The following BDH1 variants were observed in gnomAD, a reference collection of about 807,000 sequenced individuals.
The protein encoded by BDH1 is D-beta-hydroxybutyrate dehydrogenase, mitochondrial.
A neutral mutation model predicts 33.1 loss-of-function variants in BDH1; 30 were observed. The ratio of observed to expected loss-of-function variants is 0.91; its 90% CI spans 0.68 to 1.23. The LOEUF (loss-of-function observed/expected upper bound fraction) is 1.23, where lower values mean the gene tolerates loss of function less well. BDH1 is among the 50% of genes most tolerant of loss of function. The pLI is 0.00. For missense variants in BDH1, 443 were observed against 464.4 expected, an observed-to-expected ratio of 0.95 and a Z score of 0.42; for synonymous variants, 190 against 183.6, an observed-to-expected ratio of 1.03 and a Z score of -0.28.
chr3:197,510,187 A>AG lies in BDH1; in HGVS notation c.*1707dup. The AG allele has an allele frequency of 6.6e-6, 1 of 152,416 alleles. No individual in the cohort carries two copies. Among genetic ancestry groups the AG allele is most frequent in the Middle Eastern group, 3.4e-3 (1 of 294 alleles). 9.4% of individuals were successfully genotyped at this position (152,416 alleles called of 1,614,324 possible). A position where few individuals can be genotyped will look rare whatever the true frequency, so the allele number is the denominator to read the frequency against. ...AGGAGAGCGAGAACACTGTTTCTGA[A>AG]GGGTGCTGCTTGCTTCTTTGTTCCC... On this transcript the variant is annotated 3_prime_UTR_variant, in exon 8 of 8. Coordinates refer to ENST00000392379, the MANE Select transcript of BDH1 (RefSeq NM_203314.3).
intron 1 of BDH1, among the ~76,000 whole-genome samples, chr3:197,564,139 GT>G (rs531344460): frequency 2.0e-5 from 3 of 147,110 alleles, no homozygotes; most frequent in African/African-American, 7.5e-5. Flanking sequence ...AAATAAAGAG[GT>G]TTTTTTTGGT....
chr3:197,519,882 A>T (rs1713338933), intron 6 of BDH1, among the ~76,000 whole-genome samples: 1 of 152,012 alleles, frequency 6.6e-6, no homozygotes, highest in Non-Finnish European at 1.5e-5. Context: ...TCACCAGACA[A>T]TCTCCTTCAT....
chr3:197,534,415 T>C (rs894101799), intron 3 of BDH1, among the ~76,000 whole-genome samples: 1 of 152,244 alleles, frequency 6.6e-6, no homozygotes, highest in Non-Finnish European at 1.5e-5. Context: ...AATTTGCTCC[T>C]TGTTATTGCT....
chr3:197,557,423 A>T (rs1204188708), upstream of BDH1, among the ~76,000 whole-genome samples: 6 of 152,260 alleles, frequency 3.9e-5, no homozygotes, highest in African/African-American at 1.4e-4. This position sits in a 1 kb window ranked among gnomAD's most constrained non-coding sequence, Gnocchi z 4.6. Context: ...AAACAGGAGG[A>T]GGGAAGTACT....
At chr3:197,547,803 C>T (rs995820825) in intron 2 of BDH1, among the ~76,000 whole-genome samples, 1 of 152,256 alleles carries the variant, frequency 6.6e-6, no homozygotes, top group Non-Finnish European at 1.5e-5. Context: ...ACTCCAAGAA[C>T]TCCTTGCCCA....
chr3:197,515,522 G>A lies in BDH1; in HGVS notation c.410-1106C>T, dbSNP rs73076587. 3.8e-3 allele frequency: 3,775 copies of A among 985,646 alleles called. 108 individuals carry two copies. In the African/African-American group the frequency reaches 0.059, roughly 15 times the overall value. 61.1% of individuals were successfully genotyped at this position (985,646 alleles called of 1,614,324 possible). A position where few individuals can be genotyped will look rare whatever the true frequency, so the allele number is the denominator to read the frequency against. On this transcript the variant is annotated intron_variant, in intron 6 of 7. Coordinates refer to ENST00000392379, the MANE Select transcript of BDH1 (RefSeq NM_203314.3). ...TGGCTGACACTTCCACGTCATCTTC[G>A]AGACCATAGCCACTGATCCTTCTCT...
intron 6 of BDH1, among the ~76,000 whole-genome samples, chr3:197,517,711 C>T (rs13087821): frequency 3.6e-4 from 4 of 11,088 alleles, no homozygotes; most frequent in African/African-American, 2.4e-3. Flanking sequence ...TCCATCCCCC[C>T]TCAGGCCAAC....
At chr3:197,546,242 G>T (rs975458827) in intron 3 of BDH1, 119 bp downstream of exon 3, 24 of 963,538 alleles carry the variant, frequency 2.5e-5, no homozygotes, top group Non-Finnish European at 3.4e-5. Flanking sequence ...GGGAGACAAA[G>T]GTATTGAGAG....
At chr3:197,572,858 T>C (rs1298925840) in intron 1 of BDH1, among the ~76,000 whole-genome samples, 2 of 152,104 alleles carry the variant, frequency 1.3e-5, no homozygotes, top group Non-Finnish European at 2.9e-5. Context: ...ATCTAATGTA[T>C]TACAACAAGC....
At chr3:197,563,135 T>C (rs1026957725) in intron 1 of BDH1, among the ~76,000 whole-genome samples, 1 of 152,226 alleles carries the variant, frequency 6.6e-6, no homozygotes, top group African/African-American at 2.4e-5. Context: ...TATGTGTGTA[T>C]GTACATGTAC....
rs1320592595 is a variant in BDH1 at position 197,511,832 on chromosome 3, A to G, written c.*63T>C. 3.5e-6 allele frequency: 5 copies of G among 1,446,160 alleles called. No homozygotes were observed. Among genetic ancestry groups the G allele is most frequent in the Non-Finnish European group, 4.7e-6 (5 of 1,068,284 alleles). 89.6% of individuals were successfully genotyped at this position (1,446,160 alleles called of 1,614,324 possible). ...ACGTGGATAATCAAGAGTTGACTAT[A>G]TGGGTTCCTCCCTCCCCTCCCCTTC... On this transcript the variant is annotated 3_prime_UTR_variant, in exon 8 of 8. Coordinates refer to ENST00000392379, the MANE Select transcript of BDH1 (RefSeq NM_203314.3).
At position 197,533,479 on chromosome 3, in the gene BDH1, T is replaced by C; in HGVS notation, c.156+10A>G. On this transcript the variant is annotated intron_variant, in intron 4 of 7. Coordinates refer to ENST00000392379, the MANE Select transcript of BDH1 (RefSeq NM_203314.3). Reference sequence around the variant, plus strand: ...CCAACTGGCTCCCGGGTAGCTGGGCTTCCACTCACCGGCTCCGCCGCACTG... The same window carrying C: ...CCAACTGGCTCCCGGGTAGCTGGGCCTCCACTCACCGGCTCCGCCGCACTG... The C allele has an allele frequency of 1.2e-6, 2 of 1,614,106 alleles. No homozygotes were observed. Among genetic ancestry groups the C allele is most frequent in the Non-Finnish European group, 1.7e-6 (2 of 1,179,914 alleles).
intron 1 of BDH1, among the ~76,000 whole-genome samples, chr3:197,570,261 A>G (rs1010169636): frequency 2.6e-5 from 4 of 152,260 alleles, no homozygotes; most frequent in African/African-American, 9.6e-5. Context: ...AAAAGCATTC[A>G]GTTTTAAAAG....
chr3:197,557,788 C>CT (rs1018734695), upstream of BDH1, among the ~76,000 whole-genome samples: 28 of 152,356 alleles, frequency 1.8e-4, no homozygotes, highest in African/African-American at 5.3e-4. The surrounding 1 kb of genome is among the most constrained non-coding windows in gnomAD (Gnocchi z 4.6). Context: ...CTAAGGCTAT[C>CT]TCCTTTATCC....
At chr3:197,515,253 C>T in intron 6 of BDH1, 5 of 980,436 alleles carry the variant, frequency 5.1e-6, no homozygotes, top group Non-Finnish European at 6.1e-6. Flanking sequence ...GAATTAAGGG[C>T]ATTTATTAGG....
intron 3 of BDH1, among the ~76,000 whole-genome samples, chr3:197,537,443 G>A (rs548691047): frequency 3.6e-4 from 55 of 152,258 alleles, no homozygotes; most frequent in Non-Finnish European, 6.5e-4. Flanking sequence ...GATCTTCTAT[G>A]TACACAATCA....
rs910244547 is a variant in BDH1, at chr3:197,520,042, G to A, written c.409+2598C>T. Among the ~76,000 whole-genome samples the A allele has an allele frequency of 2.6e-5, 4 of 152,028 alleles. No individual in the cohort carries two copies. The highest frequency in any genetic ancestry group is 5.9e-5 in the Non-Finnish European group (4 of 68,000). On this transcript the variant is annotated intron_variant, in intron 6 of 7. Coordinates refer to ENST00000392379, the MANE Select transcript of BDH1 (RefSeq NM_203314.3). This position sits in a 1 kb window ranked among gnomAD's most constrained non-coding sequence, Gnocchi z 6.0. ...CATGTCCTGCATGGGGTGTGGGTCG[G>A]TGGCGGCCACTGCGGGTCGGAACGC...
In BDH1 at chr3:197,523,027, G is replaced by C; in HGVS notation, c.268-246C>G. ...ATAGGATGAAGAGCCGGCCCCCAAG[G>C]CCTCAAGACAGGATTCCTTCTCCAA... is the stretch of plus-strand genomic sequence containing the variant. On this transcript the variant is annotated intron_variant, in intron 5 of 7. Coordinates refer to ENST00000392379, the MANE Select transcript of BDH1 (RefSeq NM_203314.3). This position sits in a 1 kb window ranked among gnomAD's most constrained non-coding sequence, Gnocchi z 4.5. The C allele has an allele frequency of 2.1e-6, 1 of 481,322 alleles. No individual in the cohort carries two copies. Among genetic ancestry groups the C allele is most frequent in the Non-Finnish European group, 3.6e-6 (1 of 276,414 alleles). The allele number at this position is 481,322 out of a possible 1,614,324, so 29.8% of individuals were successfully genotyped here.
In BDH1 at chr3:197,516,185, C is replaced by T. The variant is rs1455699855; in HGVS notation, c.410-1769G>A. On this transcript the variant is annotated intron_variant, in intron 6 of 7. Coordinates refer to ENST00000392379, the MANE Select transcript of BDH1 (RefSeq NM_203314.3). This position sits in a 1 kb window ranked among gnomAD's most constrained non-coding sequence, Gnocchi z 4.2. ...ACCTGCCCCCAGATACAAGTGGCCC[C>T]CAATGTCCTGGCCTAATCCTGCTCC... Among the ~76,000 whole-genome samples the T allele has an allele frequency of 3.3e-5, 5 of 152,180 alleles. No homozygotes were observed. The highest frequency in any genetic ancestry group is 7.3e-5 in the Non-Finnish European group (5 of 68,040).
Sources: gnomAD v4.1 joint callset for allele counts (sites outside exome capture counted in the v4.1 genomes callset) on GRCh38, gnomAD v4.1.1 for gene constraint, Gnocchi (gnomAD v3.1) non-coding constraint, MANE v1.5 for transcripts, NCBI Gene and HGNC (gene_info 2026-07-23, HGNC 2026-07-21) for gene names.